Variants in TMEM91 observed in about 807,000 individuals in gnomAD.
TMEM91 encodes dispanin subfamily C member 3.
TMEM91 carries 6 observed loss-of-function variants against 13.3 expected under a neutral mutation model. That is an observed-to-expected ratio of 0.45 (90% confidence interval 0.25 to 0.89). TMEM91 has a LOEUF of 0.89. TMEM91 is among the 40% of genes least tolerant of loss of function. The pLI is 0.19. For missense variants in TMEM91, 193 were observed against 228.7 expected, an observed-to-expected ratio of 0.84 and a Z score of 1.01; for synonymous variants, 87 against 101.7, an observed-to-expected ratio of 0.86 and a Z score of 0.87.
At chr19:41,378,219 G>A in intron 1 of TMEM91, 62 bp from the exon 2 acceptor site, 6 of 1,286,722 alleles carry the variant, frequency 4.7e-6, no homozygotes, top group Non-Finnish European at 6.6e-6. Flanking sequence ...CTAAAGCAAG[G>A]GGTCAGAGGT....
At chr19:41,367,104 G>C (rs915489439) in intron 1 of TMEM91, among the ~76,000 whole-genome samples, 2 of 151,978 alleles carry the variant, frequency 1.3e-5, no homozygotes, top group African/African-American at 4.8e-5. Context: ...TCACGCCACC[G>C]CACTTCAGCC....
At chr19:41,382,048 T>C (rs1170921499) in intron 2 of TMEM91, among the ~76,000 whole-genome samples, 1 of 151,880 alleles carries the variant, frequency 6.6e-6, no homozygotes, top group African/African-American at 2.4e-5. Context: ...GTATTTTTAG[T>C]GGAGATGAGG....
upstream of TMEM91, among the ~76,000 whole-genome samples, chr19:41,374,939 C>T (rs556046489): frequency 2.0e-4 from 30 of 152,230 alleles, no homozygotes; most frequent in African/African-American, 6.5e-4. Flanking sequence ...GCCGAGATCA[C>T]GCCATTGCCC....
chr19:41,379,536 G>T (rs2038820008), intron 2 of TMEM91, among the ~76,000 whole-genome samples: 1 of 148,700 alleles, frequency 6.7e-6, no homozygotes, highest in Admixed American at 6.8e-5. Flanking sequence ...GAAAGAAAAA[G>T]AGAGGGAGAG....
chr19:41,375,383 A>C (rs2038697220), upstream of TMEM91, among the ~76,000 whole-genome samples: 1 of 130,848 alleles, frequency 7.6e-6, no homozygotes. Flanking sequence ...GGTCCACGCC[A>C]TTCTCCTGCC....
upstream of TMEM91, among the ~76,000 whole-genome samples, chr19:41,375,539 A>G (rs913149378): frequency 2.7e-5 from 4 of 150,016 alleles, no homozygotes; most frequent in Non-Finnish European, 5.9e-5. Flanking sequence ...CGGCCTCCCA[A>G]AGTGTTGGGA....
chr19:41,378,684 G>C (rs1250991725), intron 2 of TMEM91, among the ~76,000 whole-genome samples, 165 bp downstream of exon 2: 1 of 152,158 alleles, frequency 6.6e-6, no homozygotes, highest in Non-Finnish European at 1.5e-5. Context: ...GGTTCTTCTT[G>C]TTTTATGTCT....
At chr19:41,381,582 T>A (rs2038888582) in intron 2 of TMEM91, among the ~76,000 whole-genome samples, 1 of 152,050 alleles carries the variant, frequency 6.6e-6, no homozygotes, top group Admixed American at 6.6e-5. Flanking sequence ...GCCAGGACGG[T>A]CTCGATCTCC....
chr19:41,380,158 G>C (rs1194054509), intron 2 of TMEM91, among the ~76,000 whole-genome samples: 2 of 151,940 alleles, frequency 1.3e-5, no homozygotes, highest in Admixed American at 6.6e-5. Flanking sequence ...GCCTCCCAGA[G>C]TGCCAGATTA....
At chr19:41,378,205 C>A in intron 1 of TMEM91, 76 bp from the exon 2 acceptor site, 1 of 1,129,454 alleles carries the variant, frequency 8.9e-7, no homozygotes, top group Non-Finnish European at 1.3e-6. Context: ...CTGCCTGAGT[C>A]TCTCTAAAGC....
intron 1 of TMEM91, among the ~76,000 whole-genome samples, chr19:41,370,393 TTTTATTTATTTA>T (rs60423207): frequency 7.0e-6 from 1 of 142,986 alleles, no homozygotes; most frequent in Non-Finnish European, 1.5e-5. Flanking sequence ...TTTATTTTTA[TTTTATTTATTTA>T]TTTATTTATT....
intron 2 of TMEM91, among the ~76,000 whole-genome samples, chr19:41,378,834 G>C (rs1327092326): frequency 8.4e-4 from 127 of 151,510 alleles, no homozygotes; most frequent in South Asian, 1.7e-3. Flanking sequence ...GAGAGAGAGA[G>C]AGAGAGAGAG....
rs2038727821 is a variant in TMEM91, at chr19:41,376,715, C to T, written c.-169C>T. On this transcript the variant is annotated 5_prime_UTR_variant, in exon 1 of 4. Coordinates refer to ENST00000392002, the MANE Select transcript of TMEM91 (RefSeq NM_001098821.2). ...GCCGTCGCCCCGCCCCGTCCCCGCC[C>T]CCGCGCGCAGCGGGCCCGGGGCGCT... 6.6e-6 allele frequency: 1 copy of T among 152,256 alleles called. No individual in the cohort carries two copies. The highest frequency in any genetic ancestry group is 1.5e-5 in the Non-Finnish European group (1 of 68,068). The allele number at this position is 152,256 out of a possible 1,614,324, so 9.4% of individuals were successfully genotyped here. A position where few individuals can be genotyped will look rare whatever the true frequency, so the allele number is the denominator to read the frequency against.
upstream of TMEM91, among the ~76,000 whole-genome samples, chr19:41,374,882 C>T (rs1390964532): frequency 2.6e-5 from 4 of 152,146 alleles, no homozygotes; most frequent in Non-Finnish European, 5.9e-5. Context: ...ACTCGGGAGG[C>T]TGAGGCAGGA....
At chr19:41,379,621 GAGAA>G (rs761460368) in intron 2 of TMEM91, among the ~76,000 whole-genome samples, 28 of 150,238 alleles carry the variant, frequency 1.9e-4, no homozygotes, top group Admixed American at 1.4e-3. Context: ...GAGAGAAAGA[GAGAA>G]AGAAGGAAGG....
At chr19:41,378,216 A>G (rs1459368989) in intron 1 of TMEM91, 65 bp from the exon 2 acceptor site, 4 of 1,272,456 alleles carry the variant, frequency 3.1e-6, no homozygotes, top group Non-Finnish European at 4.4e-6. Flanking sequence ...TCTCTAAAGC[A>G]AGGGGTCAGA....
chr19:41,378,193 C>G lies in TMEM91; in HGVS notation c.-29-88C>G, dbSNP rs576294596. 5 of 998,014 alleles carry G rather than the reference C, an allele frequency of 5.0e-6. No individual in the cohort carries two copies. The Admixed American group carries it at 1.1e-4, about 23-fold the overall frequency. The allele number at this position is 998,014 out of a possible 1,614,324, so 61.8% of individuals were successfully genotyped here. ...TCTGAGGACCACTGCACTAACTAGTCTCTGCCTGAGTCTCTCTAAAGCAAG... is the reference window on the plus strand; with the variant it reads ...TCTGAGGACCACTGCACTAACTAGTGTCTGCCTGAGTCTCTCTAAAGCAAG... On this transcript the variant is annotated intron_variant, in intron 1 of 3. Transcript: ENST00000392002.
At chr19:41,369,089 T>C (rs1333480330) in intron 1 of TMEM91, among the ~76,000 whole-genome samples, 1 of 152,162 alleles carries the variant, frequency 6.6e-6, no homozygotes, top group African/African-American at 2.4e-5. Flanking sequence ...CACTCCAGCC[T>C]GGGCAACTGA....
upstream of TMEM91, among the ~76,000 whole-genome samples, chr19:41,371,643 C>T (rs1440546055): frequency 6.6e-6 from 1 of 151,980 alleles, no homozygotes; most frequent in Non-Finnish European, 1.5e-5. Context: ...TGATCTCGAT[C>T]TCTTGACCTC....
Sources: allele counts gnomAD v4.1 joint callset (sites outside exome capture counted in the v4.1 genomes callset), GRCh38; gene constraint gnomAD v4.1.1; transcripts MANE v1.5; gene names NCBI Gene and HGNC (gene_info 2026-07-23, HGNC 2026-07-21).